THEM6: variants seen among roughly 807,000 people sequenced by gnomAD.
THEM6 encodes the protein thioesterase superfamily member 6.
THEM6 carries 10 observed loss-of-function variants against 13.7 expected under a neutral mutation model. The ratio of observed to expected loss-of-function variants is 0.73; its 90% confidence interval spans 0.45 to 1.24. The LOEUF (loss-of-function observed/expected upper bound fraction) is 1.24, where lower values mean the gene tolerates loss of function less well. Among genes scored for constraint, THEM6 ranks in the 50% most tolerant of loss-of-function variants. THEM6 has a pLI of 0.00. For missense variants in THEM6, 317 were observed against 312.6 expected (o/e 1.01, Z -0.11); for synonymous variants, 161 against 156.0 (o/e 1.03, Z -0.24).
intron 1 of THEM6, among the ~76,000 whole-genome samples, chr8:142,730,223 C>G (rs1367889412): frequency 5.3e-5 from 8 of 152,006 alleles, no homozygotes; most frequent in Admixed American, 5.2e-4. Flanking sequence ...GGAGTGTGGT[C>G]GTTTTTTTCT....
Position 142,727,507 on chromosome 8 carries a change from T to A in THEM6, c.161T>A (p.Val54Glu). ...GCTGAGCAGCGCTTCCCGGGCCGCG[T>A]GCTGCCCTCGGACTTGGACCTGCTG... is the stretch of plus-strand genomic sequence containing the variant. Reference protein sequence around the residue: ...LLAEQRFPGRVLPSDLDLLLH... With the variant: ...LLAEQRFPGRELPSDLDLLLH... The change falls in exon 1 of 2, where the codon GTG (valine) becomes GAG (glutamate). Residue 54 changes from valine (V) to glutamate (E), a missense_variant. Val to Glu is a moderately radical substitution (Grantham distance 121). Coordinates refer to ENST00000336138, the MANE Select transcript of THEM6 (RefSeq NM_016647.3). 6.3e-7 allele frequency: 1 copy of A among 1,579,544 alleles called. No homozygotes were observed. The highest frequency in any genetic ancestry group is 1.7e-4 in the Middle Eastern group (1 of 5,950).
At chr8:142,731,728 G>A (rs1283980658) in intron 1 of THEM6, among the ~76,000 whole-genome samples, 2 of 152,256 alleles carry the variant, frequency 1.3e-5, no homozygotes, top group East Asian at 3.9e-4. Context: ...TGCAGCAGCA[G>A]GGCCGGGCAA....
At chr8:142,728,937 CTT>C (rs58263738) in intron 1 of THEM6, among the ~76,000 whole-genome samples, 7 of 107,260 alleles carry the variant, frequency 6.5e-5, no homozygotes, top group Middle Eastern at 5.4e-3. Flanking sequence ...TTACTATTTT[CTT>C]TTTTTTTTTT....
chr8:142,734,021 G>A (rs183325049), intron 1 of THEM6, among the ~76,000 whole-genome samples: 31 of 152,334 alleles, frequency 2.0e-4, no homozygotes, highest in African/African-American at 7.2e-4. Flanking sequence ...CAGGCTGCAG[G>A]CTTCAGAGGG....
chr8:142,729,405 A>T (rs1184677301), intron 1 of THEM6, among the ~76,000 whole-genome samples: 1 of 152,108 alleles, frequency 6.6e-6, no homozygotes, highest in Non-Finnish European at 1.5e-5. Flanking sequence ...CTGATGTGTA[A>T]CAATCGCTTT....
At chr8:142,735,224 C>T in intron 1 of THEM6, 102 bp from the exon 2 acceptor site, 1 of 846,164 alleles carries the variant, frequency 1.2e-6, no homozygotes, top group Non-Finnish European at 1.9e-6. Context: ...GGCGGCGGGG[C>T]AGGGGATCTT....
intron 1 of THEM6, among the ~76,000 whole-genome samples, chr8:142,728,769 G>C (rs1815576238): frequency 6.6e-6 from 1 of 152,166 alleles, no homozygotes; most frequent in Non-Finnish European, 1.5e-5. Context: ...AGCGGTGAAA[G>C]AATAGCTGGT....
At chr8:142,729,518 A>G (rs1815599141) in intron 1 of THEM6, among the ~76,000 whole-genome samples, 1 of 152,318 alleles carries the variant, frequency 6.6e-6, no homozygotes. Context: ...TATTTTTACA[A>G]TAGACACCCT....
In THEM6 at chr8:142,736,383, C is replaced by T. The variant is rs895412601; in HGVS notation, c.*944C>T. On this transcript the variant is annotated 3_prime_UTR_variant, in exon 2 of 2. Transcript: ENST00000336138. ...GCCTGGCCGGCAGGCGTCTTCTTAACTCCTCTGTCCTCTATATTCAGCATG... is the reference window on the plus strand; with the variant it reads ...GCCTGGCCGGCAGGCGTCTTCTTAATTCCTCTGTCCTCTATATTCAGCATG... The T allele has an allele frequency of 6.6e-6, 1 of 152,386 alleles. No homozygotes were observed. The highest frequency in any genetic ancestry group is 2.4e-5 in the African/African-American group (1 of 41,456). 9.4% of individuals were successfully genotyped at this position (152,386 alleles called of 1,614,324 possible). A position where few individuals can be genotyped will look rare whatever the true frequency, so the allele number is the denominator to read the frequency against.
At chr8:142,728,186 C>T (rs1224101994) in intron 1 of THEM6, among the ~76,000 whole-genome samples, 1 of 152,204 alleles carries the variant, frequency 6.6e-6, no homozygotes, top group African/African-American at 2.4e-5. Context: ...TGTTCTGTGG[C>T]TGGAGTGTTG....
In THEM6 at chr8:142,736,107, G is replaced by GA. The variant is rs1815757120; in HGVS notation, c.*669dup. The GA allele has an allele frequency of 6.5e-6, 1 of 152,672 alleles. No individual in the cohort carries two copies. Among genetic ancestry groups the GA allele is most frequent in the Non-Finnish European group, 1.5e-5 (1 of 68,320 alleles). 9.5% of individuals were successfully genotyped at this position (152,672 alleles called of 1,614,324 possible). On this transcript the variant is annotated 3_prime_UTR_variant, in exon 2 of 2. Coordinates refer to ENST00000336138, the MANE Select transcript of THEM6 (RefSeq NM_016647.3). ...CTCTACCTCCAGTCAGGCTGGACGG[G>GA]AGGGTAGCCTTGTGGCTGAGAGGGG...
chr8:142,728,399 C>T (rs1815564185), intron 1 of THEM6, among the ~76,000 whole-genome samples: 1 of 152,218 alleles, frequency 6.6e-6, no homozygotes, highest in South Asian at 2.1e-4. Context: ...GAGAGGAGGG[C>T]CATGCACCTC....
intron 1 of THEM6, chr8:142,734,505 G>T (rs1158163372): frequency 6.6e-6 from 1 of 152,600 alleles, no homozygotes; most frequent in East Asian, 1.9e-4. Context: ...AGTTTGGGCA[G>T]GCTGAGCCAG....
At position 142,727,267 on chromosome 8, in the gene THEM6, G is replaced by C. The variant is rs1354003655; in HGVS notation, c.-80G>C. ...GCGCTCGTGAGTTCCCAGGAGGCCT[G>C]GCGGGCACCGTAACCAGCGCCGCGG... is the stretch of plus-strand genomic sequence containing the variant. On this transcript the variant is annotated 5_prime_UTR_variant, in exon 1 of 2. Transcript: ENST00000336138. 31 of 1,349,134 alleles carry C rather than the reference G, an allele frequency of 2.3e-5. No homozygotes were observed. The highest frequency in any genetic ancestry group is 4.9e-5 in the South Asian group (3 of 61,268). The allele number at this position is 1,349,134 out of a possible 1,614,324, so 83.6% of individuals were successfully genotyped here. A position where few individuals can be genotyped will look rare whatever the true frequency, so the allele number is the denominator to read the frequency against.
At chr8:142,728,156 TCTC>T (rs1453043441) in intron 1 of THEM6, among the ~76,000 whole-genome samples, 2 of 152,290 alleles carry the variant, frequency 1.3e-5, no homozygotes, top group East Asian at 1.9e-4. Flanking sequence ...TGTTCACCCC[TCTC>T]CTCTCTCCTG....
chr8:142,734,533 T>G (rs1815718727), intron 1 of THEM6: 1 of 152,648 alleles, frequency 6.6e-6, no homozygotes, highest in African/African-American at 2.4e-5. Context: ...TCTTGCATGT[T>G]GAGAGGCTGG....
Position 142,727,444 on chromosome 8 carries a change from G to T in THEM6, c.98G>T (p.Arg33Leu). ...YLVRLPCAVL[R>L]ARLLQPRVRD... ...GTGCGCCTTCCGTGCGCCGTGCTGCGCGCGCGCCTGCTGCAGCCGCGCGTC... is the reference window on the plus strand; with the variant it reads ...GTGCGCCTTCCGTGCGCCGTGCTGCTCGCGCGCCTGCTGCAGCCGCGCGTC... The change falls in exon 1 of 2, where the codon CGC becomes CTC. Residue 33 changes from arginine (R) to leucine (L), a missense_variant. By Grantham distance (102) the Arg-to-Leu change is moderately radical. Coordinates refer to ENST00000336138, the MANE Select transcript of THEM6 (RefSeq NM_016647.3). The T allele has an allele frequency of 1.9e-6, 3 of 1,554,814 alleles. No homozygotes were observed. The highest frequency in any genetic ancestry group is 2.3e-5 in the South Asian group (2 of 85,838).
rs1249839577 is a variant in THEM6, at chr8:142,736,728, A to T, written c.*1289A>T. 1 of 152,330 alleles carries T rather than the reference A, an allele frequency of 6.6e-6. No individual in the cohort carries two copies. The highest frequency in any genetic ancestry group is 1.9e-4 in the East Asian group (1 of 5,176). 9.4% of individuals were successfully genotyped at this position (152,330 alleles called of 1,614,324 possible). A position where few individuals can be genotyped will look rare whatever the true frequency, so the allele number is the denominator to read the frequency against. On this transcript the variant is annotated 3_prime_UTR_variant, in exon 2 of 2. Transcript: ENST00000336138. ...TGTGCCCGCTTGCCTGTTCCCCTACATCTGTGCCTGCACATCCAGAACTGC... is the reference window on the plus strand; with the variant it reads ...TGTGCCCGCTTGCCTGTTCCCCTACTTCTGTGCCTGCACATCCAGAACTGC...
At chr8:142,731,958 C>T (rs781997188) in intron 1 of THEM6, among the ~76,000 whole-genome samples, 1 of 151,722 alleles carries the variant, frequency 6.6e-6, no homozygotes, top group Non-Finnish European at 1.5e-5. Flanking sequence ...TTCCTGGCGC[C>T]GCTGTGCTTG....
Sources: gnomAD v4.1 joint callset for allele counts (sites outside exome capture counted in the v4.1 genomes callset) on GRCh38, gnomAD v4.1.1 for gene constraint, MANE v1.5 for transcripts, NCBI Gene and HGNC (gene_info 2026-07-23, HGNC 2026-07-21) for gene names.